The following CAMTA1 variants were observed in gnomAD, a reference collection of about 807,000 sequenced individuals.
The protein encoded by CAMTA1 is calmodulin-binding transcription activator 1.
CAMTA1 carries 27 observed loss-of-function variants against 170.9 expected under a neutral mutation model. The ratio of observed to expected loss-of-function variants is 0.16; its 90% CI spans 0.12 to 0.22. The LOEUF is 0.22. Ranked by LOEUF, CAMTA1 falls within the 10% of genes least tolerant of loss-of-function variation. The pLI, the probability that CAMTA1 is intolerant of heterozygous loss-of-function variation, is 1.00. For missense variants in CAMTA1, 1,619 were observed against 2,217.2 expected (o/e 0.73, Z 5.42); for synonymous variants, 833 against 891.5 (o/e 0.93, Z 1.17).
At chr1:7,026,101 C>A (rs1435735977) in intron 3 of CAMTA1, among the ~76,000 whole-genome samples, 2 of 148,256 alleles carry the variant, frequency 1.3e-5, no homozygotes, top group Non-Finnish European at 3.0e-5. Context: ...ACCTGGGCAA[C>A]AGAGCGAGAC....
chr1:6,944,645 G>C (rs542594729), intron 3 of CAMTA1, among the ~76,000 whole-genome samples: 2 of 152,266 alleles, frequency 1.3e-5, no homozygotes, highest in Non-Finnish European at 1.5e-5. Context: ...CGGTCTCCCT[G>C]TGTCACATTG....
At chr1:7,575,723 G>A (rs115254179) in intron 6 of CAMTA1, among the ~76,000 whole-genome samples, 2,140 of 152,096 alleles carry the variant, frequency 0.014, 54 homozygotes, top group African/African-American at 0.049. Context: ...GTCTGGCCCA[G>A]GTGTAGGCAG....
At chr1:7,572,254 C>T (rs990831891) in intron 6 of CAMTA1, among the ~76,000 whole-genome samples, 5 of 152,186 alleles carry the variant, frequency 3.3e-5, no homozygotes, top group African/African-American at 9.7e-5. Flanking sequence ...TTGTCAGAAG[C>T]ATAGTTTGTA....
At chr1:7,428,184 G>A (rs1443520104) in intron 5 of CAMTA1, among the ~76,000 whole-genome samples, 4 of 152,252 alleles carry the variant, frequency 2.6e-5, no homozygotes, top group Non-Finnish European at 4.4e-5. Context: ...CTATGGAGAC[G>A]TTGGTACTGT....
chr1:7,677,848 C>T, intron 11 of CAMTA1, 115 bp downstream of exon 11: 1 of 1,265,894 alleles, frequency 7.9e-7, no homozygotes, highest in Non-Finnish European at 1.1e-6. Flanking sequence ...GAAGTGGTGC[C>T]AATGTGAGCA....
At chr1:7,655,279 G>A (rs1351670650) in intron 7 of CAMTA1, among the ~76,000 whole-genome samples, 16 of 32,692 alleles carry the variant, frequency 4.9e-4, no homozygotes, top group African/African-American at 1.7e-3. Context: ...TATACACACC[G>A]TTATACACAC....
chr1:7,036,505 G>A (rs959734378), intron 3 of CAMTA1, among the ~76,000 whole-genome samples: 3 of 152,158 alleles, frequency 2.0e-5, no homozygotes, highest in Admixed American at 6.5e-5. Flanking sequence ...TAGGACTTAC[G>A]ATCCTAATTC....
chr1:7,707,463 C>A (rs1438044226), intron 11 of CAMTA1, among the ~76,000 whole-genome samples: 2 of 152,162 alleles, frequency 1.3e-5, no homozygotes, highest in African/African-American at 4.8e-5. Flanking sequence ...GCAGCCTCCA[C>A]CTCCCGGGCT....
At chr1:6,917,923 G>A (rs944738085) in intron 3 of CAMTA1, among the ~76,000 whole-genome samples, 13 of 152,054 alleles carry the variant, frequency 8.5e-5, no homozygotes, top group Admixed American at 8.5e-4. Flanking sequence ...GGAGGCCATG[G>A]GTCACAGCGA....
chr1:7,493,259 G>C (rs1280514942), intron 6 of CAMTA1, among the ~76,000 whole-genome samples: 1 of 92,074 alleles, frequency 1.1e-5, no homozygotes, highest in Non-Finnish European at 2.1e-5. Flanking sequence ...ACAAACCTAC[G>C]TACACACGCA....
intron 4 of CAMTA1, among the ~76,000 whole-genome samples, chr1:7,111,010 G>A (rs1236109451): frequency 6.6e-6 from 1 of 152,342 alleles, no homozygotes; most frequent in East Asian, 1.9e-4. Context: ...GAAGCTCTGG[G>A]AGGAGAATCC....
intron 4 of CAMTA1, among the ~76,000 whole-genome samples, chr1:7,094,252 G>T (rs904336837): frequency 3.9e-5 from 6 of 152,000 alleles, no homozygotes; most frequent in African/African-American, 9.7e-5. Context: ...AGTTGTGTTT[G>T]GATCCCCACC....
chr1:7,273,815 G>A (rs1325938635), intron 5 of CAMTA1, among the ~76,000 whole-genome samples: 1 of 152,168 alleles, frequency 6.6e-6, no homozygotes, highest in African/African-American at 2.4e-5. Context: ...GAAGCAAAGT[G>A]TGTGACAACA....
rs538022270 is a variant in CAMTA1, at chr1:7,565,518, G to A, written c.511-74882G>A. Reference sequence around the variant, plus strand: ...CATCAGGGGCTGGGCTTTCCGCAGAGAGCCTGGCTCTAGGCTGTCCGGAAC... The same window carrying A: ...CATCAGGGGCTGGGCTTTCCGCAGAAAGCCTGGCTCTAGGCTGTCCGGAAC... On this transcript the variant is annotated intron_variant, in intron 6 of 22. Transcript: ENST00000303635. This position sits in a 1 kb window ranked among gnomAD's most constrained non-coding sequence, Gnocchi z 4.5. 1.2e-4 allele frequency among the ~76,000 whole-genome samples: 18 copies of A among 152,294 alleles called. No homozygotes were observed. Among genetic ancestry groups the A allele is most frequent in the African/African-American group, 3.6e-4 (15 of 41,568 alleles).
intron 3 of CAMTA1, among the ~76,000 whole-genome samples, chr1:6,907,777 A>G (rs1188647875): frequency 6.6e-6 from 1 of 152,110 alleles, no homozygotes; most frequent in African/African-American, 2.4e-5. Flanking sequence ...CTGGCAGACC[A>G]GTCAGCCCTC....
chr1:7,362,602 C>T (rs1574926326), intron 5 of CAMTA1, among the ~76,000 whole-genome samples: 1 of 151,412 alleles, frequency 6.6e-6, no homozygotes, highest in East Asian at 2.0e-4. Flanking sequence ...AGTTGGTGGA[C>T]TTTGGTAGGA....
intron 18 of CAMTA1, among the ~76,000 whole-genome samples, chr1:7,746,668 T>A (rs1273231548): frequency 6.6e-6 from 1 of 152,192 alleles, no homozygotes; most frequent in African/African-American, 2.4e-5. Context: ...GGAGTCTCAT[T>A]CTGTTGCCAA....
intron 4 of CAMTA1, among the ~76,000 whole-genome samples, chr1:7,196,902 G>T (rs1198065337): frequency 6.6e-6 from 1 of 152,146 alleles, no homozygotes; most frequent in Non-Finnish European, 1.5e-5. Context: ...TAATGAAAAG[G>T]CATTAATTGC....
chr1:6,866,986 A>G (rs1666775623), intron 3 of CAMTA1, among the ~76,000 whole-genome samples: 1 of 152,262 alleles, frequency 6.6e-6, no homozygotes, highest in African/African-American at 2.4e-5. Context: ...GGATGGCCAC[A>G]GCATGGCTGC....
Sources: gnomAD v4.1 joint callset for allele counts (sites outside exome capture counted in the v4.1 genomes callset) on GRCh38, gnomAD v4.1.1 for gene constraint, Gnocchi (gnomAD v3.1) non-coding constraint, MANE v1.5 for transcripts, NCBI Gene and HGNC (gene_info 2026-07-23, HGNC 2026-07-21) for gene names.